The following PDS5B variants were observed in gnomAD, a reference collection of about 807,000 sequenced individuals.
PDS5B encodes the protein PDS5 cohesin associated factor B.
PDS5B carries 51 observed loss-of-function variants against 184.1 expected under a neutral mutation model. The observed-to-expected ratio is 0.28, with a 90% CI of 0.22 to 0.35. The LOEUF is 0.35. PDS5B is among the 10% of genes least tolerant of loss of function. PDS5B has a pLI of 1.00. For synonymous variants in PDS5B, 566 were observed against 569.2 expected (o/e 0.99, Z 0.08); for missense variants, 1,180 against 1,723.3 (o/e 0.68, Z 5.58).
At chr13:32,709,525 T>C (rs912031080) in intron 18 of PDS5B, among the ~76,000 whole-genome samples, 3 of 152,088 alleles carry the variant, frequency 2.0e-5, no homozygotes, top group Non-Finnish European at 4.4e-5. Flanking sequence ...TTATAGACTT[T>C]TTTACTGTCT....
At chr13:32,696,265 C>T (rs1951700213) in intron 14 of PDS5B, among the ~76,000 whole-genome samples, 1 of 151,990 alleles carries the variant, frequency 6.6e-6, no homozygotes, top group Non-Finnish European at 1.5e-5. Context: ...AATAACACTA[C>T]TCTGATGCAG....
intron 6 of PDS5B, among the ~76,000 whole-genome samples, chr13:32,662,533 A>T (rs1392501024): frequency 1.3e-5 from 2 of 152,164 alleles, no homozygotes; most frequent in African/African-American, 2.4e-5. Flanking sequence ...CTGAGTTTAT[A>T]AAAATATTGA....
chr13:32,750,749 C>T (rs1412074980), intron 24 of PDS5B, among the ~76,000 whole-genome samples: 1 of 152,100 alleles, frequency 6.6e-6, no homozygotes, highest in Non-Finnish European at 1.5e-5. Context: ...ACCATGTTGG[C>T]CAGGCTGGTC....
chr13:32,655,667 G>A (rs957690307), intron 3 of PDS5B, among the ~76,000 whole-genome samples: 1 of 151,520 alleles, frequency 6.6e-6, no homozygotes. Context: ...CACTGCACCC[G>A]GCCTGCCCTC....
chr13:32,591,534 CAT>C (rs1434928412), intron 1 of PDS5B, among the ~76,000 whole-genome samples: 1 of 152,074 alleles, frequency 6.6e-6, no homozygotes, highest in Non-Finnish European at 1.5e-5. Flanking sequence ...TTTATTATAA[CAT>C]AATTTATTTT....
chr13:32,651,083 T>C (rs1374324743), intron 2 of PDS5B, among the ~76,000 whole-genome samples: 4 of 152,240 alleles, frequency 2.6e-5, no homozygotes, highest in Admixed American at 6.5e-5. Context: ...AGAAAGCTCT[T>C]CTGAGAATTC....
At chr13:32,750,929 T>C (rs1191183607) in intron 24 of PDS5B, among the ~76,000 whole-genome samples, 4 of 151,506 alleles carry the variant, frequency 2.6e-5, no homozygotes, top group Admixed American at 6.6e-5. Flanking sequence ...AGGTTTGTTA[T>C]CTAGGTAAAT....
At chr13:32,722,353 T>C (rs579335) in intron 19 of PDS5B, among the ~76,000 whole-genome samples, 108,283 of 152,150 alleles carry the variant, frequency 0.71, 39,109 homozygotes, top group African/African-American at 0.84. Context: ...AAGCGGGAGA[T>C]GGAGACGATG....
intron 25 of PDS5B, among the ~76,000 whole-genome samples, chr13:32,755,481 T>C (rs1402318655): frequency 6.6e-6 from 1 of 152,198 alleles, no homozygotes; most frequent in East Asian, 1.9e-4. Flanking sequence ...TCATTTCTAA[T>C]AGGAAAAATA....
chr13:32,724,412 A>G lies in PDS5B; in HGVS notation c.2124-7689A>G, dbSNP rs141761506. Among the ~76,000 whole-genome samples, 113 of 152,258 alleles carry G rather than the reference A, an allele frequency of 7.4e-4. 1 individual carries two copies. In the East Asian group the frequency reaches 0.019, roughly 25 times the overall value. ...TTCAGGATGCAAGTAAGATTTATAC[A>G]TTGTGATTGGTTGCTGTGTCTTTTA... On this transcript the variant is annotated intron_variant, in intron 19 of 34. Coordinates refer to ENST00000315596, the MANE Select transcript of PDS5B (RefSeq NM_015032.4).
At chr13:32,604,737 G>A (rs1022206287) in intron 1 of PDS5B, among the ~76,000 whole-genome samples, 45 of 152,264 alleles carry the variant, frequency 3.0e-4, no homozygotes, top group Non-Finnish European at 2.5e-4. Context: ...ATTAATTATT[G>A]CCTCAATTTC....
intron 18 of PDS5B, 59 bp from the exon 19 acceptor site, chr13:32,709,887 G>T: frequency 1.0e-6 from 1 of 990,884 alleles, no homozygotes; most frequent in East Asian, 2.9e-5. Flanking sequence ...GTAATATTTT[G>T]GATTTGTATT....
intron 1 of PDS5B, among the ~76,000 whole-genome samples, chr13:32,599,689 TG>T (rs1011631431): frequency 3.3e-5 from 5 of 151,972 alleles, no homozygotes; most frequent in African/African-American, 1.2e-4. Context: ...CCAAGGCGGA[TG>T]GATCATGAGG....
chr13:32,758,710 G>T, intron 28 of PDS5B, 57 bp downstream of exon 28: 1 of 1,548,232 alleles, frequency 6.5e-7, no homozygotes, highest in Admixed American at 1.7e-5. Flanking sequence ...CTCAGCACTG[G>T]ATTGTAGGAA....
chr13:32,773,197 G>C lies in PDS5B; in HGVS notation c.4181G>C (p.Gly1394Ala). 1.2e-6 allele frequency: 2 copies of C among 1,611,520 alleles called. No homozygotes were observed. The highest frequency in any genetic ancestry group is 1.7e-6 in the Non-Finnish European group (2 of 1,178,952). The change falls in exon 34 of 35, where the codon GGA becomes GCA. Residue 1394 changes from glycine to alanine, a missense_variant. By Grantham distance (60) the Gly-to-Ala change is moderately conservative (BLOSUM62 0). This residue lies in a region of PDS5B where 465 missense variants were observed against 497.8 expected (regional missense o/e 0.93). Coordinates refer to ENST00000315596, the MANE Select transcript of PDS5B (RefSeq NM_015032.4). The stretch of plus-strand genomic sequence containing the variant: ...CATGTGTTTTACTCTAGCCGTGTAG[G>C]ACGCTCCAAACAAGCAGCTACTAAG... ...PSQPKKNVRV[G>A]RSKQAATKEN...
intron 25 of PDS5B, among the ~76,000 whole-genome samples, chr13:32,754,141 A>G (rs966066909): frequency 2.0e-5 from 3 of 152,126 alleles, no homozygotes; most frequent in African/African-American, 4.8e-5. Context: ...CTACCTTGCT[A>G]TATTTTCACT....
chr13:32,710,075 A>G lies in PDS5B; in HGVS notation c.2092A>G (p.Lys698Glu). 5.2e-6 allele frequency: 8 copies of G among 1,531,670 alleles called. No individual in the cohort carries two copies. Among genetic ancestry groups the G allele is most frequent in the Non-Finnish European group, 7.1e-6 (8 of 1,127,344 alleles). 94.9% of individuals were successfully genotyped at this position (1,531,670 alleles called of 1,614,324 possible). The change falls in exon 19 of 35, where the codon AAA becomes GAA. Residue 698 changes from lysine (K) to glutamate (E), a missense_variant. Physicochemically the swap from Lys to Glu is moderately conservative, Grantham distance 56. This residue lies in a region of PDS5B where 475 missense variants were observed against 691.5 expected (regional missense o/e 0.69). Coordinates refer to ENST00000315596, the MANE Select transcript of PDS5B (RefSeq NM_015032.4). ...ACAAATTTTCAAAAACACAGGAAGC[A>G]AAATTGAAGAGGATTTTCCACACAT... ...ALQIFKNTGS[K>E]IEEDFPHIRS... is the part of the protein sequence containing the mutation.
chr13:32,748,795 T>C (rs1304190547), intron 24 of PDS5B, among the ~76,000 whole-genome samples: 1 of 152,182 alleles, frequency 6.6e-6, no homozygotes, highest in Admixed American at 6.5e-5. Context: ...TAAATCTGAA[T>C]GGCATTTCTT....
intron 21 of PDS5B, among the ~76,000 whole-genome samples, chr13:32,735,760 T>C (rs1353510076): frequency 1.3e-5 from 2 of 152,134 alleles, no homozygotes; most frequent in Non-Finnish European, 1.5e-5. Flanking sequence ...GAAATAATGA[T>C]TTTGTTAGTC....
Sources: allele counts gnomAD v4.1 joint callset (sites outside exome capture counted in the v4.1 genomes callset), GRCh38; gene constraint gnomAD v4.1.1; regional missense constraint gnomAD v4.1.1; transcripts MANE v1.5; gene names NCBI Gene and HGNC (gene_info 2026-07-23, HGNC 2026-07-21).